Variants in PDE4B observed in about 807,000 individuals in gnomAD.
The protein encoded by PDE4B is 3',5'-cyclic-AMP phosphodiesterase 4B.
PDE4B carries 20 observed loss-of-function variants against 82.2 expected under a neutral mutation model. That is an observed-to-expected ratio of 0.24 (90% CI 0.17 to 0.35). PDE4B has a LOEUF of 0.35. Ranked by LOEUF, PDE4B falls within the 10% of genes least tolerant of loss-of-function variation. The pLI is 1.00. For synonymous variants in PDE4B, 320 were observed against 318.9 expected (o/e 1.00, Z -0.04); for missense variants, 655 against 907.2 (o/e 0.72, Z 3.57).
chr1:65,979,452 T>C (rs1276117226), intron 3 of PDE4B, among the ~76,000 whole-genome samples: 8 of 152,218 alleles, frequency 5.3e-5, no homozygotes, highest in African/African-American at 1.9e-4. Flanking sequence ...TAGTGAAATG[T>C]GTTCCCACTA....
At chr1:66,009,334 C>T (rs755711635) in intron 3 of PDE4B, among the ~76,000 whole-genome samples, 1 of 152,206 alleles carries the variant, frequency 6.6e-6, no homozygotes, top group Non-Finnish European at 1.5e-5. Context: ...ACCATTACCT[C>T]AAACCTGGAT....
At position 66,189,364 on chromosome 1, in the gene PDE4B, A is replaced by T. The variant is rs144074594; in HGVS notation, c.282-58096A>T. 8.4e-3 allele frequency among the ~76,000 whole-genome samples: 1,278 copies of T among 152,208 alleles called. 25 individuals carry two copies. Among genetic ancestry groups the T allele is most frequent in the African/African-American group, 0.029 (1,200 of 41,520 alleles). On this transcript the variant is annotated intron_variant, in intron 3 of 16. Transcript: ENST00000341517. ...TTGTGGCATTCTCTGTATTTCCTGA[A>T]GTTGAATGTTGGCCTACCTTGCTAG...
chr1:65,933,077 A>G (rs538680656), intron 3 of PDE4B, among the ~76,000 whole-genome samples: 1 of 152,170 alleles, frequency 6.6e-6, no homozygotes, highest in Non-Finnish European at 1.5e-5. Flanking sequence ...CTGGGGAAGA[A>G]AATGCACATT....
chr1:66,221,050 G>A (rs1650942866), intron 3 of PDE4B, among the ~76,000 whole-genome samples: 1 of 151,956 alleles, frequency 6.6e-6, no homozygotes, highest in Non-Finnish European at 1.5e-5. Flanking sequence ...TTAAACAAAG[G>A]AGAATTTATT....
At chr1:66,365,594 C>T in intron 12 of PDE4B, 73 bp from the exon 13 acceptor site, 2 of 795,212 alleles carry the variant, frequency 2.5e-6, no homozygotes, top group African/African-American at 3.4e-5. Context: ...AAGTAGGATA[C>T]TTTACAAATG....
intron 1 of PDE4B, among the ~76,000 whole-genome samples, chr1:65,887,457 A>C (rs1389345793): frequency 2.7e-5 from 2 of 73,832 alleles, no homozygotes; most frequent in Non-Finnish European, 4.7e-5. Context: ...TCACTCTTTC[A>C]CCCTGGCTGG....
At chr1:66,188,651 T>C (rs1170239894) in intron 3 of PDE4B, among the ~76,000 whole-genome samples, 1 of 151,858 alleles carries the variant, frequency 6.6e-6, no homozygotes, top group Non-Finnish European at 1.5e-5. Context: ...GAGACTAGGA[T>C]TGCAACCCCT....
chr1:66,271,869 T>A (rs1331378834), intron 7 of PDE4B, among the ~76,000 whole-genome samples: 2 of 152,216 alleles, frequency 1.3e-5, no homozygotes, highest in Non-Finnish European at 2.9e-5. Context: ...TCGTGTTTGA[T>A]ATATAGTTCC....
At chr1:66,011,051 T>G (rs1384427916) in intron 3 of PDE4B, among the ~76,000 whole-genome samples, 1 of 151,890 alleles carries the variant, frequency 6.6e-6, no homozygotes, top group East Asian at 1.9e-4. Context: ...TTTTCACTCA[T>G]CAGAATTACT....
At chr1:66,194,816 A>C (rs1648147361) in intron 3 of PDE4B, among the ~76,000 whole-genome samples, 1 of 152,034 alleles carries the variant, frequency 6.6e-6, no homozygotes. Context: ...TTATTTTTGT[A>C]TCTCTAGGGC....
chr1:65,930,076 GTCTGAGTC>G (rs1013503670), intron 3 of PDE4B, among the ~76,000 whole-genome samples: 13 of 152,282 alleles, frequency 8.5e-5, no homozygotes, highest in African/African-American at 2.9e-4. Flanking sequence ...AGGAGAGTGA[GTCTGAGTC>G]TCAAAACTGA....
chr1:66,078,242 GC>G (rs1024924619), intron 3 of PDE4B, among the ~76,000 whole-genome samples: 49 of 150,960 alleles, frequency 3.2e-4, no homozygotes, highest in African/African-American at 1.1e-3. Context: ...TGCTACCCAG[GC>G]TGGAGTGCAG....
chr1:66,053,364 G>A (rs1488525566), intron 3 of PDE4B, among the ~76,000 whole-genome samples: 3 of 152,154 alleles, frequency 2.0e-5, no homozygotes, highest in Non-Finnish European at 2.9e-5. Flanking sequence ...GAATCTGCAA[G>A]TTTAAGTTCT....
At chr1:66,365,616 GC>G in intron 12 of PDE4B, 50 bp from the exon 13 acceptor site, 1 of 1,024,768 alleles carries the variant, frequency 9.8e-7, no homozygotes, top group Non-Finnish European at 1.5e-6. Context: ...AACTGAATAA[GC>G]AGGATAGGCG....
At chr1:66,038,630 C>T (rs1172242631) in intron 3 of PDE4B, among the ~76,000 whole-genome samples, 1 of 151,994 alleles carries the variant, frequency 6.6e-6, no homozygotes, top group Non-Finnish European at 1.5e-5. Flanking sequence ...GGTGGGGAAG[C>T]GGGTCACAGT....
At chr1:65,934,638 G>A (rs12076057) in intron 3 of PDE4B, among the ~76,000 whole-genome samples, 1 of 152,142 alleles carries the variant, frequency 6.6e-6, no homozygotes, top group Non-Finnish European at 1.5e-5. Context: ...CTGTCTATAA[G>A]AAACTCACTT....
intron 3 of PDE4B, among the ~76,000 whole-genome samples, chr1:66,218,686 T>G (rs942334871): frequency 7.2e-5 from 11 of 152,162 alleles, no homozygotes; most frequent in African/African-American, 2.7e-4. Context: ...TGCTATGATC[T>G]TGGAAGAAAT....
intron 3 of PDE4B, among the ~76,000 whole-genome samples, chr1:66,070,197 G>A (rs1483701917): frequency 3.3e-5 from 5 of 151,964 alleles, no homozygotes; most frequent in Non-Finnish European, 5.9e-5. Flanking sequence ...TATAGGGCAG[G>A]CACCCTGTAA....
chr1:66,174,755 GCAACAACAA>G (rs143629032), intron 3 of PDE4B, among the ~76,000 whole-genome samples: 1,688 of 149,188 alleles, frequency 0.011, 26 homozygotes, highest in African/African-American at 0.027. Flanking sequence ...CTCAAAAAAA[GCAACAACAA>G]CAACAACAAC....
Sources: allele counts gnomAD v4.1 joint callset (sites outside exome capture counted in the v4.1 genomes callset), GRCh38; gene constraint gnomAD v4.1.1; transcripts MANE v1.5; gene names NCBI Gene and HGNC (gene_info 2026-07-23, HGNC 2026-07-21).